TRIM24: variants seen among roughly 807,000 people sequenced by gnomAD.
TRIM24 encodes the protein tripartite motif containing 24.
A neutral mutation model predicts 123.9 loss-of-function variants in TRIM24; 29 were observed. That is an observed-to-expected ratio of 0.23 (90% CI 0.17 to 0.32). The LOEUF (loss-of-function observed/expected upper bound fraction) is 0.32. TRIM24 is among the 10% of genes least tolerant of loss of function. TRIM24 has a pLI of 1.00. For missense variants in TRIM24, 932 were observed against 1,295.3 expected, an observed-to-expected ratio of 0.72 and a Z score of 4.31; for synonymous variants, 456 against 461.1, an observed-to-expected ratio of 0.99 and a Z score of 0.14.
At chr7:138,538,391 G>A (rs1434171554) in intron 6 of TRIM24, among the ~76,000 whole-genome samples, 1 of 152,018 alleles carries the variant, frequency 6.6e-6, no homozygotes, top group Admixed American at 6.5e-5. Flanking sequence ...CCTTTTTTGT[G>A]TATTGTAACA....
intron 1 of TRIM24, among the ~76,000 whole-genome samples, chr7:138,474,372 G>A (rs1003082104): frequency 2.6e-5 from 4 of 151,876 alleles, no homozygotes; most frequent in Admixed American, 1.3e-4. Flanking sequence ...TGATCTACCC[G>A]CCTCAGCCTC....
chr7:138,545,408 A>C (rs1797082957), intron 7 of TRIM24: 2 of 456,630 alleles, frequency 4.4e-6, no homozygotes, highest in Non-Finnish European at 8.8e-6. Flanking sequence ...TACATTGAGT[A>C]AATAAGTAAA....
At chr7:138,581,819 T>C in intron 17 of TRIM24, 48 bp downstream of exon 17, 4 of 1,450,496 alleles carry the variant, frequency 2.8e-6, no homozygotes, top group Non-Finnish European at 3.8e-6. Flanking sequence ...GGAATGCTTT[T>C]CTGGAATTTT....
intron 6 of TRIM24, among the ~76,000 whole-genome samples, chr7:138,536,965 T>C (rs896569230): frequency 2.0e-5 from 3 of 152,216 alleles, no homozygotes; most frequent in Non-Finnish European, 4.4e-5. Context: ...GATCTCAGAC[T>C]GCTGTGCTAG....
At chr7:138,577,714 A>G in intron 14 of TRIM24, 126 bp downstream of exon 14, 1 of 786,714 alleles carries the variant, frequency 1.3e-6, no homozygotes. Flanking sequence ...ATTTGAGGGA[A>G]TCTCTCAGTA....
chr7:138,577,466 G>T lies in TRIM24; in HGVS notation c.2134G>T (p.Val712Phe), dbSNP rs1311294042. 6.2e-7 allele frequency: 1 copy of T among 1,604,652 alleles called. No individual in the cohort carries two copies. The highest frequency in any genetic ancestry group is 1.7e-5 in the Admixed American group (1 of 58,424). ...AGCAGGAGCTGACTCTACACACAAA[G>T]TCCCAGTGGTCATGCTGGAGCCAAT... ...KPAGADSTHK[V>F]PVVMLEPIRI... Residue 712 changes from valine to phenylalanine, a missense_variant, in exon 14 of 19, where the codon GTC becomes TTC. Around this residue, in one of 7 missense-constraint regions of TRIM24, gnomAD observed 527 missense variants for 691.3 expected, o/e 0.76. Coordinates refer to ENST00000343526, the MANE Select transcript of TRIM24 (RefSeq NM_015905.3).
In TRIM24 at chr7:138,470,783, C is replaced by G. The variant is rs141561159; in HGVS notation, c.364+9871C>G. 1.3e-3 allele frequency among the ~76,000 whole-genome samples: 203 copies of G among 152,294 alleles called. 3 individuals carry two copies. Among genetic ancestry groups the G allele is most frequent in the African/African-American group, 4.7e-3 (195 of 41,548 alleles). ...TCTTGGGACCTGAATATGCAATTAG[C>G]TGACAAGGGGATTAGCTGGCAAGGA... On this transcript the variant is annotated intron_variant, in intron 1 of 18. Transcript: ENST00000343526.
Position 138,504,413 on chromosome 7 carries a change from G to A in TRIM24, c.483+5G>A. ...ACAGTAGAAAAGTCAAATCAGGTAA[G>A]TGTATTACATCTTGAACCTTTTGCC... On this transcript the variant is annotated splice_donor_5th_base_variant and intron_variant, in intron 2 of 18. Transcript: ENST00000343526. 9.2e-7 allele frequency: 1 copy of A among 1,087,262 alleles called. No individual in the cohort carries two copies. The highest frequency in any genetic ancestry group is 2.6e-5 in the Admixed American group (1 of 38,036). The allele number at this position is 1,087,262 out of a possible 1,614,324, so 67.4% of individuals were successfully genotyped here.
At chr7:138,508,692 T>TGTGCGCGCGCGCTC (rs1422176564) in intron 2 of TRIM24, among the ~76,000 whole-genome samples, 1 of 137,214 alleles carries the variant, frequency 7.3e-6, no homozygotes. Context: ...TGTGTGTGTG[T>TGTGCGCGCGCGCTC]GCGCGCGCGT....
chr7:138,565,917 C>A (rs1797525790), intron 9 of TRIM24, among the ~76,000 whole-genome samples: 1 of 152,204 alleles, frequency 6.6e-6, no homozygotes, highest in South Asian at 2.1e-4. Context: ...CAGGAACTTA[C>A]AAAACTTGGA....
chr7:138,508,708 C>CGTGTGCGTGTGTGTGTGTGCGTGTGTGT (rs1554436685), intron 2 of TRIM24, among the ~76,000 whole-genome samples: 2 of 136,194 alleles, frequency 1.5e-5, no homozygotes, highest in African/African-American at 5.4e-5. Context: ...CGCGTGTGTG[C>CGTGTGCGTGTGTGTGTGTGCGTGTGTGT]GTGTGTGTGT....
intron 2 of TRIM24, 48 bp downstream of exon 2, chr7:138,504,456 T>TG: frequency 9.3e-7 from 1 of 1,076,802 alleles, no homozygotes; most frequent in South Asian, 2.1e-5. Context: ...TCTTTTTTTT[T>TG]TTTTTTTTTT....
chr7:138,504,445 C>CTA, intron 2 of TRIM24, 37 bp downstream of exon 2: 4 of 311,368 alleles, frequency 1.3e-5, no homozygotes, highest in Non-Finnish European at 1.9e-5. Context: ...TGCCTGCCAG[C>CTA]TCTTTTTTTT....
At chr7:138,563,232 C>G (rs1367575845) in intron 9 of TRIM24, among the ~76,000 whole-genome samples, 3 of 152,206 alleles carry the variant, frequency 2.0e-5, no homozygotes, top group African/African-American at 7.2e-5. Context: ...CCACCCCGAT[C>G]AGGTCGGTAT....
intron 1 of TRIM24, 162 bp downstream of exon 1, chr7:138,461,074 C>A: frequency 1.2e-6 from 1 of 819,794 alleles, no homozygotes; most frequent in Non-Finnish European, 2.0e-6. Flanking sequence ...CATGGAGGGC[C>A]CGCGCTCTGC....
intron 2 of TRIM24, among the ~76,000 whole-genome samples, chr7:138,507,533 G>T (rs537435538): frequency 7.9e-5 from 12 of 151,992 alleles, no homozygotes; most frequent in African/African-American, 2.9e-4. Context: ...ATGTTCGCCA[G>T]ACTGGTTGCA....
chr7:138,483,437 C>T (rs1306355666), intron 1 of TRIM24, among the ~76,000 whole-genome samples: 2 of 152,142 alleles, frequency 1.3e-5, no homozygotes, highest in African/African-American at 2.4e-5. Context: ...GAATAAAAGT[C>T]AAGCCAGTGG....
At chr7:138,555,586 G>A (rs978168640) in intron 9 of TRIM24, among the ~76,000 whole-genome samples, 9 of 150,670 alleles carry the variant, frequency 6.0e-5, no homozygotes, top group African/African-American at 7.3e-5. Flanking sequence ...GGGTTCAAGC[G>A]ATTCTCCCAC....
chr7:138,581,096 A>G (rs1797885922), intron 16 of TRIM24, among the ~76,000 whole-genome samples: 1 of 152,186 alleles, frequency 6.6e-6, no homozygotes, highest in Admixed American at 6.5e-5. Context: ...AGACTTATGC[A>G]TCAAAGCCAA....
Sources: gnomAD v4.1 joint callset for allele counts (sites outside exome capture counted in the v4.1 genomes callset) on GRCh38, gnomAD v4.1.1 for gene constraint, gnomAD v4.1.1 regional missense constraint, MANE v1.5 for transcripts, NCBI Gene and HGNC (gene_info 2026-07-23, HGNC 2026-07-21) for gene names.